PPP3CA: variants seen among roughly 807,000 people sequenced by gnomAD.
PPP3CA encodes the protein CAM-PRP catalytic subunit.
A neutral mutation model predicts 66.5 loss-of-function variants in PPP3CA; 14 were observed. That is an observed-to-expected ratio of 0.21 (90% CI 0.14 to 0.33). The LOEUF is 0.33. PPP3CA is among the 10% of genes least tolerant of loss of function. The probability of loss-of-function intolerance (pLI) is 1.00; values close to 1 mark genes in which losing one functional copy is unlikely to be tolerated. For synonymous variants in PPP3CA, 232 were observed against 226.2 expected, an observed-to-expected ratio of 1.03 and a Z score of -0.23; for missense variants, 317 against 639.5, an observed-to-expected ratio of 0.50 and a Z score of 5.44.
chr4:101,292,831 A>G (rs550479881), intron 1 of PPP3CA, among the ~76,000 whole-genome samples: 42 of 152,328 alleles, frequency 2.8e-4, no homozygotes, highest in African/African-American at 9.1e-4. Flanking sequence ...TCAAAAGGGA[A>G]GAAAGTGTTT....
chr4:101,283,828 A>G (rs1237915071), intron 1 of PPP3CA, among the ~76,000 whole-genome samples: 3 of 150,326 alleles, frequency 2.0e-5, no homozygotes, highest in Non-Finnish European at 4.4e-5. Context: ...AGAACACACC[A>G]CTACTGCTTC....
intron 2 of PPP3CA, among the ~76,000 whole-genome samples, chr4:101,143,058 T>C (rs1005189635): frequency 6.6e-6 from 1 of 152,282 alleles, no homozygotes; most frequent in East Asian, 1.9e-4. Context: ...AGGTTTCTCC[T>C]TAGCCTTCAC....
intron 3 of PPP3CA, among the ~76,000 whole-genome samples, chr4:101,100,563 T>C (rs921387482): frequency 3.3e-5 from 5 of 152,280 alleles, no homozygotes; most frequent in African/African-American, 1.2e-4. Context: ...ACAGCCTTCC[T>C]GGAATGAGCA....
chr4:101,032,077 A>G (rs1189221546), intron 12 of PPP3CA, among the ~76,000 whole-genome samples, 190 bp downstream of exon 12: 5 of 152,236 alleles, frequency 3.3e-5, no homozygotes, highest in African/African-American at 1.2e-4. Flanking sequence ...TAAAGACCAC[A>G]TTCCAGAGAA....
At chr4:101,339,616 T>C (rs1455480029) in intron 1 of PPP3CA, among the ~76,000 whole-genome samples, 1 of 152,204 alleles carries the variant, frequency 6.6e-6, no homozygotes, top group African/African-American at 2.4e-5. Flanking sequence ...CAAATGGAAC[T>C]TAATATAATA....
chr4:101,046,747 C>T lies in PPP3CA; in HGVS notation c.1157-6181G>A, dbSNP rs535562315. Among the ~76,000 whole-genome samples, 37 of 152,078 alleles carry T rather than the reference C, an allele frequency of 2.4e-4. No homozygotes were observed. The South Asian group carries it at 5.4e-3, about 22-fold the overall frequency. On this transcript the variant is annotated intron_variant, in intron 10 of 13. Coordinates refer to ENST00000394854, the MANE Select transcript of PPP3CA (RefSeq NM_000944.5). The stretch of plus-strand genomic sequence containing the variant: ...TATTATTAAACAGAGTTTCAATGTT[C>T]CTTCAGATTTTATTTTTTGCCAAAC...
chr4:101,146,644 T>A (rs1396492524), intron 2 of PPP3CA, among the ~76,000 whole-genome samples: 3 of 152,036 alleles, frequency 2.0e-5, no homozygotes, highest in Non-Finnish European at 4.4e-5. Flanking sequence ...GGTTTCACCA[T>A]GTTGGTCAGG....
At position 101,039,025 on chromosome 4, in the gene PPP3CA, T is replaced by C. The variant is rs910161180; in HGVS notation, c.1241+1457A>G. ...GACAGAATAAGAAATAAAAGCATTATTGGTAAATCTGAGGCACAATAAATA... is the reference window on the plus strand; with the variant it reads ...GACAGAATAAGAAATAAAAGCATTACTGGTAAATCTGAGGCACAATAAATA... On this transcript the variant is annotated intron_variant, in intron 11 of 13. Transcript: ENST00000394854. 6.8e-5 allele frequency among the ~76,000 whole-genome samples: 10 copies of C among 146,660 alleles called. 2 individuals are homozygous for C. Among genetic ancestry groups the C allele is most frequent in the Admixed American group, 2.0e-4 (3 of 14,724 alleles).
At chr4:101,314,690 A>C (rs1728833410) in intron 1 of PPP3CA, among the ~76,000 whole-genome samples, 1 of 152,018 alleles carries the variant, frequency 6.6e-6, no homozygotes, top group South Asian at 2.1e-4. Flanking sequence ...TAAATAATTT[A>C]ATGAAAAATA....
intron 1 of PPP3CA, among the ~76,000 whole-genome samples, chr4:101,242,189 C>G (rs1726333310): frequency 9.9e-6 from 1 of 100,916 alleles, no homozygotes; most frequent in Non-Finnish European, 2.4e-5. Flanking sequence ...TTACAGACAG[C>G]ATTAGCTCAT....
At chr4:101,152,210 T>C (rs982115398) in intron 2 of PPP3CA, among the ~76,000 whole-genome samples, 5 of 152,198 alleles carry the variant, frequency 3.3e-5, no homozygotes, top group African/African-American at 7.2e-5. Flanking sequence ...ACTGGATAGA[T>C]TAATGATTAG....
intron 8 of PPP3CA, among the ~76,000 whole-genome samples, chr4:101,068,109 G>A (rs1323965239): frequency 6.6e-6 from 1 of 152,086 alleles, no homozygotes; most frequent in Non-Finnish European, 1.5e-5. Flanking sequence ...TTTTGCTACT[G>A]TCTTTCATCT....
At chr4:101,161,783 G>A (rs1723517107) in intron 2 of PPP3CA, among the ~76,000 whole-genome samples, 1 of 152,100 alleles carries the variant, frequency 6.6e-6, no homozygotes, top group Non-Finnish European at 1.5e-5. Context: ...AAAGTCATTT[G>A]TTTCCAAAAG....
chr4:101,152,918 C>T (rs553917930), intron 2 of PPP3CA, among the ~76,000 whole-genome samples: 27 of 152,154 alleles, frequency 1.8e-4, no homozygotes, highest in African/African-American at 6.3e-4. Flanking sequence ...ATACTTCTGT[C>T]GATAAAGATT....
At chr4:101,311,410 T>TG (rs1728718633) in intron 1 of PPP3CA, among the ~76,000 whole-genome samples, 1 of 152,220 alleles carries the variant, frequency 6.6e-6, no homozygotes, top group Non-Finnish European at 1.5e-5. Context: ...ACCTGAAGTC[T>TG]GTAGCTATTT....
At chr4:101,121,369 T>A (rs574612250) in intron 2 of PPP3CA, among the ~76,000 whole-genome samples, 1 of 152,286 alleles carries the variant, frequency 6.6e-6, no homozygotes, top group African/African-American at 2.4e-5. Flanking sequence ...ATTCTTCGCA[T>A]CTTCTATATT....
intron 1 of PPP3CA, among the ~76,000 whole-genome samples, chr4:101,333,589 T>A (rs759735397): frequency 3.2e-4 from 48 of 152,110 alleles, no homozygotes; most frequent in Admixed American, 8.5e-4. Context: ...AGGCACAGAA[T>A]GGCATTCAGT....
At chr4:101,325,878 G>T (rs992624903) in intron 1 of PPP3CA, among the ~76,000 whole-genome samples, 10 of 152,122 alleles carry the variant, frequency 6.6e-5, no homozygotes, top group Non-Finnish European at 1.0e-4. Flanking sequence ...GAAAAAAGAA[G>T]AGTAATCCTA....
At chr4:101,028,000 C>T (rs957477760) in intron 13 of PPP3CA, among the ~76,000 whole-genome samples, 26 of 152,120 alleles carry the variant, frequency 1.7e-4, no homozygotes, top group African/African-American at 6.3e-4. Context: ...TTAGAATTTG[C>T]CAAGAGGAAT....
Sources: allele counts gnomAD v4.1 joint callset (sites outside exome capture counted in the v4.1 genomes callset), GRCh38; gene constraint gnomAD v4.1.1; transcripts MANE v1.5; gene names NCBI Gene and HGNC (gene_info 2026-07-23, HGNC 2026-07-21).